CTNNA3: variants seen among roughly 807,000 people sequenced by gnomAD.
The protein encoded by CTNNA3 is catenin alpha 3.
A neutral mutation model predicts 95.7 loss-of-function variants in CTNNA3; 76 were observed. That is an observed-to-expected ratio of 0.79 (90% CI 0.66 to 0.96). The LOEUF (loss-of-function observed/expected upper bound fraction) is 0.96. Among genes scored for constraint, CTNNA3 ranks in the 40% least tolerant of loss-of-function variants. The pLI is 0.00. For missense variants in CTNNA3, 1,191 were observed against 1,089.8 expected, an observed-to-expected ratio of 1.09 and a Z score of -1.31; for synonymous variants, 431 against 374.4, an observed-to-expected ratio of 1.15 and a Z score of -1.74.
chr10:67,231,060 T>C (rs1010762143), intron 5 of CTNNA3, among the ~76,000 whole-genome samples: 3 of 151,346 alleles, frequency 2.0e-5, no homozygotes, highest in East Asian at 3.9e-4. Flanking sequence ...AGCACAGCAG[T>C]CTGAGATCAA....
At chr10:67,292,852 G>A (rs1839890883) in intron 5 of CTNNA3, among the ~76,000 whole-genome samples, 1 of 152,058 alleles carries the variant, frequency 6.6e-6, no homozygotes, top group Non-Finnish European at 1.5e-5. Flanking sequence ...AGAAAGTCCT[G>A]TGTGCTCACC....
At chr10:67,237,616 A>G (rs976770239) in intron 5 of CTNNA3, among the ~76,000 whole-genome samples, 3 of 152,176 alleles carry the variant, frequency 2.0e-5, no homozygotes, top group African/African-American at 7.2e-5. Context: ...CCTATGAGCA[A>G]TGCAGAACAA....
intron 7 of CTNNA3, among the ~76,000 whole-genome samples, chr10:66,797,369 A>T (rs1362279612): frequency 6.6e-6 from 1 of 151,362 alleles, no homozygotes; most frequent in Non-Finnish European, 1.5e-5. Context: ...GCAGCCCCAC[A>T]AGATAGAGTT....
chr10:67,294,230 A>G (rs1195546924), intron 5 of CTNNA3, among the ~76,000 whole-genome samples: 2 of 152,168 alleles, frequency 1.3e-5, no homozygotes, highest in Non-Finnish European at 2.9e-5. Flanking sequence ...AAATAAATCA[A>G]TGAGTATTTA....
At chr10:67,013,874 G>A (rs1433856344) in intron 7 of CTNNA3, among the ~76,000 whole-genome samples, 2 of 152,054 alleles carry the variant, frequency 1.3e-5, no homozygotes, top group Admixed American at 1.3e-4. Context: ...GATGTAGATT[G>A]ATCTCTGATA....
At chr10:67,289,752 ATGG>A (rs1839757194) in intron 5 of CTNNA3, among the ~76,000 whole-genome samples, 1 of 151,348 alleles carries the variant, frequency 6.6e-6, no homozygotes, top group Admixed American at 6.6e-5. Flanking sequence ...CAAAGGAAGG[ATGG>A]ATGAATGGAT....
chr10:67,582,740 C>T (rs987535638), intron 3 of CTNNA3, among the ~76,000 whole-genome samples: 4 of 152,040 alleles, frequency 2.6e-5, no homozygotes, highest in Non-Finnish European at 5.9e-5. Flanking sequence ...AATCTGTGGC[C>T]TCCTGTATTT....
At chr10:67,711,168 A>G (rs537168634) in intron 1 of CTNNA3, among the ~76,000 whole-genome samples, 1 of 152,362 alleles carries the variant, frequency 6.6e-6, no homozygotes, top group South Asian at 2.1e-4. Context: ...CAAATTGCCC[A>G]GTATTGGGTA....
In CTNNA3 at chr10:66,103,245, G is replaced by A; in HGVS notation, c.1889C>T (p.Pro630Leu). The A allele has an allele frequency of 6.2e-7, 1 of 1,613,422 alleles. No individual in the cohort carries two copies. The highest frequency in any genetic ancestry group is 8.5e-7 in the Non-Finnish European group (1 of 1,179,396). The change falls in exon 14 of 18, where the codon CCA becomes CTA. Residue 630 changes from proline (P) to leucine (L), a missense_variant. Pro to Leu is a moderately conservative substitution (Grantham distance 98). Coordinates refer to ENST00000433211, the MANE Select transcript of CTNNA3 (RefSeq NM_013266.4). ...GTCAGAAACATCCTCCAGTTCCTCT[G>A]GGGTCTATAAAAAGAAAGCAAAACA... is the stretch of plus-strand genomic sequence containing the variant. ...IRCSVMMIRT[P>L]EELEDVSDLE...
At chr10:66,917,000 T>G (rs1479807374) in intron 7 of CTNNA3, among the ~76,000 whole-genome samples, 1 of 152,200 alleles carries the variant, frequency 6.6e-6, no homozygotes, top group South Asian at 2.1e-4. Context: ...TATCAAATGG[T>G]CATTGCCCTC....
intron 13 of CTNNA3, among the ~76,000 whole-genome samples, chr10:66,115,521 AGAT>A (rs1361135283): frequency 9.3e-5 from 13 of 139,684 alleles, no homozygotes; most frequent in African/African-American, 3.5e-4. Context: ...ATAGATAGAT[AGAT>A]GATAGATAGA....
In CTNNA3 at chr10:66,106,129, T is replaced by C. The variant is rs553888483; in HGVS notation, c.1885-2880A>G. ...GGCTGAGGCAGGAGAATTGCTTGAA[T>C]CCAGGCGGCGGAGGTTGCAGCGAGC... is the stretch of plus-strand genomic sequence containing the variant. On this transcript the variant is annotated intron_variant, in intron 13 of 17. Transcript: ENST00000433211. Among the ~76,000 whole-genome samples the C allele has an allele frequency of 6.7e-5, 10 of 149,410 alleles. No individual in the cohort carries two copies. The South Asian group carries it at 2.1e-3, about 32-fold the overall frequency.
chr10:67,045,470 G>A (rs538653601), intron 7 of CTNNA3, among the ~76,000 whole-genome samples: 2 of 152,158 alleles, frequency 1.3e-5, no homozygotes, highest in African/African-American at 2.4e-5. Context: ...CTTGTGTTGC[G>A]AGGGCTGACT....
chr10:67,311,539 C>T (rs1840800778), intron 5 of CTNNA3, among the ~76,000 whole-genome samples: 3 of 152,148 alleles, frequency 2.0e-5, no homozygotes, highest in Admixed American at 2.0e-4. Context: ...TCTTATATTT[C>T]AATTATGGTT....
intron 7 of CTNNA3, among the ~76,000 whole-genome samples, chr10:66,924,125 A>C (rs934995409): frequency 6.6e-6 from 1 of 152,214 alleles, no homozygotes; most frequent in Non-Finnish European, 1.5e-5. Context: ...TAGAATGAGA[A>C]TCCTGGGGGA....
chr10:67,224,226 C>T (rs1025837238), intron 5 of CTNNA3, among the ~76,000 whole-genome samples: 1 of 152,150 alleles, frequency 6.6e-6, no homozygotes, highest in Admixed American at 6.5e-5. Context: ...AAAGTGTATA[C>T]CCTTTGACCA....
intron 9 of CTNNA3, among the ~76,000 whole-genome samples, chr10:66,672,192 T>C (rs1846686604): frequency 6.6e-6 from 1 of 152,154 alleles, no homozygotes; most frequent in African/African-American, 2.4e-5. Flanking sequence ...GCTACAAAGA[T>C]GCTATCGATA....
rs1371329391 is a variant in CTNNA3, at chr10:67,236,239, T to G, written c.580-16369A>C. Among the ~76,000 whole-genome samples, 48 of 150,540 alleles carry G rather than the reference T, an allele frequency of 3.2e-4. No homozygotes were observed. The South Asian group carries it at 6.6e-3, about 21-fold the overall frequency. On this transcript the variant is annotated intron_variant, in intron 5 of 17. Coordinates refer to ENST00000433211, the MANE Select transcript of CTNNA3 (RefSeq NM_013266.4). ...ATGTTTATTGCGGCATTATTCACAA[T>G]AGCAAAGACTTGGAACCAACCCAAA...
At chr10:67,027,765 A>T (rs1206129021) in intron 7 of CTNNA3, among the ~76,000 whole-genome samples, 2 of 152,052 alleles carry the variant, frequency 1.3e-5, no homozygotes, top group Non-Finnish European at 2.9e-5. Flanking sequence ...TATTTCTGAG[A>T]TTGCCTAGGA....
Sources: gnomAD v4.1 joint callset for allele counts (sites outside exome capture counted in the v4.1 genomes callset) on GRCh38, gnomAD v4.1.1 for gene constraint, MANE v1.5 for transcripts, NCBI Gene and HGNC (gene_info 2026-07-23, HGNC 2026-07-21) for gene names.